CLCF1: variants seen among roughly 807,000 people sequenced by gnomAD.
The protein encoded by CLCF1 is cardiotrophin-like cytokine factor 1.
In CLCF1, 10 loss-of-function variants were observed where a neutral mutation model predicts 21.2. The observed-to-expected ratio is 0.47, with a 90% CI of 0.29 to 0.80. The LOEUF (loss-of-function observed/expected upper bound fraction) is 0.80, where lower values mean the gene tolerates loss of function less well. CLCF1 is among the 30% of genes least tolerant of loss of function. The pLI is 0.09. For missense variants in CLCF1, 240 were observed against 293.4 expected, an observed-to-expected ratio of 0.82 and a Z score of 1.33; for synonymous variants, 115 against 120.5, an observed-to-expected ratio of 0.95 and a Z score of 0.30.
chr11:67,371,530 C>T (rs1184703797), intron 1 of CLCF1, among the ~76,000 whole-genome samples: 1 of 152,168 alleles, frequency 6.6e-6, no homozygotes, highest in Non-Finnish European at 1.5e-5. Flanking sequence ...CTTATGAAGT[C>T]AGTAACCAAG....
At chr11:67,367,061 A>C (rs1232666396) in intron 2 of CLCF1, among the ~76,000 whole-genome samples, 1 of 152,118 alleles carries the variant, frequency 6.6e-6, no homozygotes, top group Non-Finnish European at 1.5e-5. Context: ...GCAGGGCCCC[A>C]GGTCTGGGGG....
chr11:67,367,161 A>G (rs1862127189), intron 2 of CLCF1, among the ~76,000 whole-genome samples: 1 of 143,690 alleles, frequency 7.0e-6, no homozygotes, highest in Non-Finnish European at 1.5e-5. Context: ...AACACGGTGT[A>G]AACAGAGGAG....
rs1047614006 is a variant in CLCF1, at chr11:67,367,931, C to T, written c.17-305G>A. The T allele has an allele frequency of 1.5e-5, 15 of 985,002 alleles. No individual in the cohort carries two copies. In the African/African-American group the frequency reaches 2.5e-4, roughly 16 times the overall value. The allele number at this position is 985,002 out of a possible 1,614,324, so 61.0% of individuals were successfully genotyped here. A position where few individuals can be genotyped will look rare whatever the true frequency, so the allele number is the denominator to read the frequency against. ...ATGTGTGCCACTGTGTGTGTGCCAA[C>T]ATGTATATGTGTGTACATGGAGGGA... On this transcript the variant is annotated intron_variant, in intron 1 of 2. Transcript: ENST00000312438.
rs749743060 is a variant in CLCF1, at chr11:67,367,510, C to G, written c.133G>C (p.Asp45His). Residue 45 changes from aspartate to histidine, a missense_variant, in exon 2 of 3, where the codon GAC becomes CAC. Coordinates refer to ENST00000312438, the MANE Select transcript of CLCF1 (RefSeq NM_013246.3). Reference sequence around the variant, plus strand: ...TGGTGCTCCAGGTAGCGGGTGAGGTCATAGGTTTTCTGGATGGAGGGGCCA... The same window carrying G: ...TGGTGCTCCAGGTAGCGGGTGAGGTGATAGGTTTTCTGGATGGAGGGGCCA... ...GPGPSIQKTY[D>H]LTRYLEHQLR... 4 of 1,614,226 alleles carry G rather than the reference C, an allele frequency of 2.5e-6. No homozygotes were observed. In the East Asian group the frequency reaches 6.7e-5, roughly 27 times the overall value.
intron 1 of CLCF1, chr11:67,370,176 C>A (rs1862198071): frequency 3.0e-6 from 3 of 985,410 alleles, no homozygotes; most frequent in Non-Finnish European, 3.6e-6. Flanking sequence ...CTGGGCAAAG[C>A]CATGCCCGTG....
In CLCF1 at chr11:67,373,530, G is replaced by T; in HGVS notation, c.10C>A (p.Arg4=). The part of the protein sequence containing the change: MDL[R]AGDSWGMLAC... ...TCGGCCGCCTGGCTCCTACCTGCTC[G>T]GAGGTCCATGGGGCTGGGGCCGGGC... is the stretch of plus-strand genomic sequence containing the variant. Residue 4 remains arginine (R), a synonymous_variant, in exon 1 of 3, where the codon CGA becomes AGA. Coordinates refer to ENST00000312438, the MANE Select transcript of CLCF1 (RefSeq NM_013246.3). 1 of 1,431,214 alleles carries T rather than the reference G, an allele frequency of 7.0e-7. No individual in the cohort carries two copies. The highest frequency in any genetic ancestry group is 3.0e-5 in the East Asian group (1 of 33,570). 88.7% of individuals were successfully genotyped at this position (1,431,214 alleles called of 1,614,324 possible).
intron 1 of CLCF1, chr11:67,370,176 C>T: frequency 1.0e-6 from 1 of 985,410 alleles, no homozygotes; most frequent in Non-Finnish European, 1.2e-6. Context: ...CTGGGCAAAG[C>T]CATGCCCGTG....
intron 1 of CLCF1, among the ~76,000 whole-genome samples, chr11:67,373,273 TC>T (rs1862277821): frequency 6.6e-6 from 1 of 150,632 alleles, no homozygotes. Flanking sequence ...GGTTGCCGCC[TC>T]CCCAGGTCTG....
rs1340574416 is a variant in CLCF1, at chr11:67,372,555, G to C, written c.16+969C>G. The stretch of plus-strand genomic sequence containing the variant: ...CCTCCCGGCGCTGCGCCTTCCCCCT[G>C]TGTGGCCTCGGCGCCCCCGGCCCCG... On this transcript the variant is annotated intron_variant, in intron 1 of 2. Transcript: ENST00000312438. This position sits in a 1 kb window ranked among gnomAD's most constrained non-coding sequence, Gnocchi z 5.9. 1.3e-5 allele frequency among the ~76,000 whole-genome samples: 2 copies of C among 150,766 alleles called. No homozygotes were observed. Among genetic ancestry groups the C allele is most frequent in the Non-Finnish European group, 3.0e-5 (2 of 67,514 alleles).
rs1266889100 is a variant in CLCF1 at position 67,365,633 on chromosome 11, G to A, written c.184-3C>T. 1.9e-6 allele frequency: 3 copies of A among 1,604,368 alleles called. No homozygotes were observed. The highest frequency in any genetic ancestry group is 2.2e-5 in the South Asian group (2 of 90,544). On this transcript the variant is annotated splice_region_variant and splice_polypyrimidine_tract_variant and intron_variant, in intron 2 of 2. Transcript: ENST00000312438. This position sits in a 1 kb window ranked among gnomAD's most constrained non-coding sequence, Gnocchi z 5.0. The stretch of plus-strand genomic sequence containing the variant: ...AAAGGGGGGCCCAGGTAGTTCAGCT[G>A]TGAAAAGGAGAGGGTGATGGGGAAG...
Position 67,372,424 on chromosome 11 carries a change from C to T in CLCF1, c.16+1100G>A, listed in dbSNP as rs1378324595. On this transcript the variant is annotated intron_variant, in intron 1 of 2. Coordinates refer to ENST00000312438, the MANE Select transcript of CLCF1 (RefSeq NM_013246.3). The surrounding 1 kb of genome is among the most constrained non-coding windows in gnomAD (Gnocchi z 5.9). The stretch of plus-strand genomic sequence containing the variant: ...GCATGAGGGGACCTCTGGCGAGCCC[C>T]GGGGACTCTTTCGAAGGTTTCCTTC... Among the ~76,000 whole-genome samples the T allele has an allele frequency of 6.6e-6, 1 of 152,050 alleles. No homozygotes were observed. Among genetic ancestry groups the T allele is most frequent in the Non-Finnish European group, 1.5e-5 (1 of 67,964 alleles).
Position 67,373,587 on chromosome 11 carries a change from G to A in CLCF1, c.-48C>T. 2 of 1,333,810 alleles carry A rather than the reference G, an allele frequency of 1.5e-6. No homozygotes were observed. The highest frequency in any genetic ancestry group is 1.8e-5 in the South Asian group (1 of 54,540). The allele number at this position is 1,333,810 out of a possible 1,614,324, so 82.6% of individuals were successfully genotyped here. On this transcript the variant is annotated 5_prime_UTR_variant, in exon 1 of 3. Coordinates refer to ENST00000312438, the MANE Select transcript of CLCF1 (RefSeq NM_013246.3). The stretch of plus-strand genomic sequence containing the variant: ...GGTGCGGCTCCTCTCCCGGAGGCTG[G>A]CGGAGTGGGAGGGCGAGCCGCGGCT...
At chr11:67,368,254 G>A (rs574587153) in intron 1 of CLCF1, 36 of 985,282 alleles carry the variant, frequency 3.7e-5, no homozygotes, top group African/African-American at 2.4e-4. Flanking sequence ...TGTGGGAAGT[G>A]TAGGGTGGGG....
At chr11:67,368,908 T>C in intron 1 of CLCF1, 2 of 860,716 alleles carry the variant, frequency 2.3e-6, no homozygotes, top group Non-Finnish European at 2.6e-6. Flanking sequence ...GTTCTTTTTT[T>C]TTCCTTTTTT....
In CLCF1 at chr11:67,369,015, G is replaced by A. The variant is rs1233702855; in HGVS notation, c.17-1389C>T. On this transcript the variant is annotated intron_variant, in intron 1 of 2. Coordinates refer to ENST00000312438, the MANE Select transcript of CLCF1 (RefSeq NM_013246.3). Reference sequence around the variant, plus strand: ...TATAATGACATAGGTTGCTTTGATAGGCAGAAATAACTTAGATAGGTATAA... The same window carrying A: ...TATAATGACATAGGTTGCTTTGATAAGCAGAAATAACTTAGATAGGTATAA... 1.1e-5 allele frequency: 11 copies of A among 975,794 alleles called. No individual in the cohort carries two copies. The East Asian group carries it at 8.4e-4, about 74-fold the overall frequency. 60.4% of individuals were successfully genotyped at this position (975,794 alleles called of 1,614,324 possible).
chr11:67,373,882 T>G, upstream of CLCF1: 15 of 737,320 alleles, frequency 2.0e-5, no homozygotes, highest in Middle Eastern at 6.3e-4. Context: ...GGTACCACCC[T>G]GGGCCTCCTG....
rs373822867 is a variant in CLCF1, at chr11:67,364,859, C to CCTCTGCACCAACCTGAACCACAT, written c.*276_*277insATGTGGTTCAGGTTGGTGCAGAG. ...GGCAAGAAGCAGGAGGCCATGAGCG[C>CCTCTGCACCAACCTGAACCACAT]CTCTGCACCAACCTGAACCACTTCA... On this transcript the variant is annotated 3_prime_UTR_variant, in exon 3 of 3. Coordinates refer to ENST00000312438, the MANE Select transcript of CLCF1 (RefSeq NM_013246.3). The CCTCTGCACCAACCTGAACCACAT allele has an allele frequency of 3.3e-4, 159 of 474,938 alleles. No homozygotes were observed. The highest frequency in any genetic ancestry group is 2.4e-3 in the Middle Eastern group (4 of 1,694). The allele number at this position is 474,938 out of a possible 1,614,324, so 29.4% of individuals were successfully genotyped here.
chr11:67,371,553 G>T (rs936302935), intron 1 of CLCF1, among the ~76,000 whole-genome samples: 2 of 152,208 alleles, frequency 1.3e-5, no homozygotes, highest in African/African-American at 4.8e-5. Context: ...AGCGAGACAG[G>T]AGTTGGGCTT....
chr11:67,370,522 CT>C, intron 1 of CLCF1: 1 of 985,238 alleles, frequency 1.0e-6, no homozygotes, highest in Non-Finnish European at 1.2e-6. Flanking sequence ...ACGAGTACAG[CT>C]CACGTTTCCT....
Sources: gnomAD v4.1 joint callset for allele counts (sites outside exome capture counted in the v4.1 genomes callset) on GRCh38, gnomAD v4.1.1 for gene constraint, Gnocchi (gnomAD v3.1) non-coding constraint, MANE v1.5 for transcripts, NCBI Gene and HGNC (gene_info 2026-07-23, HGNC 2026-07-21) for gene names.